The following SIDT2 variants were observed in gnomAD, a reference collection of about 807,000 sequenced individuals.
SIDT2 encodes the protein SID1 transmembrane family, member 2.
SIDT2 carries 68 observed loss-of-function variants against 114.4 expected under a neutral mutation model. The observed-to-expected ratio is 0.59, with a 90% confidence interval of 0.49 to 0.73. The LOEUF (loss-of-function observed/expected upper bound fraction) is 0.73. Ranked by LOEUF, SIDT2 falls within the 30% of genes least tolerant of loss-of-function variation. SIDT2 has a pLI of 0.00. For synonymous variants in SIDT2, 470 were observed against 438.4 expected (o/e 1.07, Z -0.90); for missense variants, 918 against 1,097.1 (o/e 0.84, Z 2.31).
In SIDT2 at chr11:117,183,865, C is replaced by T. The variant is rs2030394489; in HGVS notation, c.789C>T (p.Tyr263=). ...CCTGCGGGGGCTCCCTGCCTTTCTA[C>T]CCCTTCGCAGAAGGTACATTTTGTG... is the stretch of plus-strand genomic sequence containing the variant. ...DQACGGSLPF[Y]PFAEDEPVDQ... is the part of the protein sequence containing the mutation. Residue 263 remains tyrosine (Y), a synonymous_variant, in exon 7 of 26, where the codon TAC becomes TAT. Transcript: ENST00000324225. The T allele has an allele frequency of 6.2e-7, 1 of 1,613,088 alleles. No homozygotes were observed.
intron 8 of SIDT2, chr11:117,185,914 G>A (rs1324333964): frequency 4.7e-6 from 2 of 422,954 alleles, no homozygotes; most frequent in Admixed American, 3.9e-5. Flanking sequence ...GAAAGTTCTA[G>A]CCCAGGGAGC....
Position 117,192,993 on chromosome 11 carries a change from C to G in SIDT2, c.2105+127C>G, listed in dbSNP as rs2301174. The G allele has an allele frequency of 0.072, 98,836 of 1,371,274 alleles. 4,651 individuals are homozygous for G. The highest frequency in any genetic ancestry group is 0.22 in the African/African-American group (15,373 of 70,132). 84.9% of individuals were successfully genotyped at this position (1,371,274 alleles called of 1,614,324 possible). On this transcript the variant is annotated intron_variant, in intron 22 of 25. Transcript: ENST00000324225. The surrounding 1 kb of genome is among the most constrained non-coding windows in gnomAD (Gnocchi z 5.9). ...ATAAGACATGGGGGCTAAGAGAGAT[C>G]TTGGCCTCTCTTCTCTCTCTTGGCA...
rs757204886 is a variant in SIDT2 at position 117,190,253 on chromosome 11, C to T, written c.1581C>T (p.His527=). ...TCATCCTGCAACGGGAGATCAACCA[C>T]AACCGGGCCCTGCTGCGCAATGACC... ...LLIILQREIN[H]NRALLRNDLC... Residue 527 remains histidine, a synonymous_variant, in exon 17 of 26, where the codon CAC becomes CAT. Transcript: ENST00000324225. The surrounding 1 kb of genome is among the most constrained non-coding windows in gnomAD (Gnocchi z 4.1). 1 of 1,566,190 alleles carries T rather than the reference C, an allele frequency of 6.4e-7. No homozygotes were observed. The highest frequency in any genetic ancestry group is 1.9e-5 in the Admixed American group (1 of 53,002).
At position 117,190,818 on chromosome 11, in the gene SIDT2, C is replaced by A; in HGVS notation, c.1735+78C>A. 1 of 1,183,420 alleles carries A rather than the reference C, an allele frequency of 8.5e-7. No individual in the cohort carries two copies. Among genetic ancestry groups the A allele is most frequent in the Non-Finnish European group, 1.3e-6 (1 of 793,700 alleles). The allele number at this position is 1,183,420 out of a possible 1,614,324, so 73.3% of individuals were successfully genotyped here. On this transcript the variant is annotated intron_variant, in intron 18 of 25. Transcript: ENST00000324225. The surrounding 1 kb of genome is among the most constrained non-coding windows in gnomAD (Gnocchi z 4.1). Reference sequence around the variant, plus strand: ...AGTCCTTCACTATCCCCAAGTCACCCACAGGGATCGCTAAGACACCCCTGT... The same window carrying A: ...AGTCCTTCACTATCCCCAAGTCACCAACAGGGATCGCTAAGACACCCCTGT...
rs2030766290 is a variant in SIDT2 at position 117,193,195 on chromosome 11, C to T, written c.2148C>T (p.Ser716=). The part of the protein sequence containing the change: ...GLIMRPNDFA[S]YLLAIGICNL... The stretch of plus-strand genomic sequence containing the variant: ...TCATGCGCCCCAATGATTTCGCTTC[C>T]TACTTGTTGGCCATTGGCATCTGCA... Residue 716 remains serine, a synonymous_variant, in exon 23 of 26, where the codon TCC becomes TCT. Transcript: ENST00000324225. 1.2e-6 allele frequency: 2 copies of T among 1,614,154 alleles called. No homozygotes were observed. Among genetic ancestry groups the T allele is most frequent in the East Asian group, 4.5e-5 (2 of 44,860 alleles).
chr11:117,190,863 G>T lies in SIDT2; in HGVS notation c.1735+123G>T. The T allele has an allele frequency of 1.4e-6, 1 of 715,048 alleles. No homozygotes were observed. 44.3% of individuals were successfully genotyped at this position (715,048 alleles called of 1,614,324 possible). On this transcript the variant is annotated intron_variant, in intron 18 of 25. Transcript: ENST00000324225. The surrounding 1 kb of genome is among the most constrained non-coding windows in gnomAD (Gnocchi z 4.1). Reference sequence around the variant, plus strand: ...CCCTGTAGGAAACTCCAAGGCTGGCGTGCCTGGGTGTGCACACATCCTAGC... The same window carrying T: ...CCCTGTAGGAAACTCCAAGGCTGGCTTGCCTGGGTGTGCACACATCCTAGC...
rs956801595 is a variant in SIDT2 at position 117,187,648 on chromosome 11, G to A, written c.1108G>A (p.Asp370Asn). The A allele has an allele frequency of 8.1e-6, 13 of 1,613,974 alleles. No homozygotes were observed. Among genetic ancestry groups the A allele is most frequent in the African/African-American group, 6.7e-5 (5 of 74,894 alleles). ...GSFENVSGST[D>N]GLVDSAGTGD... ...CACAGAGAATGTTTCTGGATCTACC[G>A]ATGGTCTGGTTGACAGCGCTGGCAC... The change falls in exon 12 of 26, where the codon GAT becomes AAT. Residue 370 changes from aspartate (D) to asparagine (N), a missense_variant. By Grantham distance (23) the Asp-to-Asn change is conservative. This residue lies in a region of SIDT2 where 553 missense variants were observed against 600.1 expected (regional missense o/e 0.92). Coordinates refer to ENST00000324225, the MANE Select transcript of SIDT2 (RefSeq NM_001040455.2).
At position 117,179,219 on chromosome 11, in the gene SIDT2, C is replaced by G. The variant is rs751650192; in HGVS notation, c.-45C>G. 6.3e-7 allele frequency: 1 copy of G among 1,584,046 alleles called. No individual in the cohort carries two copies. Among genetic ancestry groups the G allele is most frequent in the Non-Finnish European group, 8.6e-7 (1 of 1,166,540 alleles). On this transcript the variant is annotated 5_prime_UTR_variant, in exon 1 of 26. Transcript: ENST00000324225. The stretch of plus-strand genomic sequence containing the variant: ...CCGGAGGTGTCCTGTCTCCTGTCGC[C>G]GCCGCCGCCGCCACCACCGCTGCCA...
At chr11:117,187,747 T>C (rs1409993408) in intron 12 of SIDT2, 48 bp downstream of exon 12, 2 of 1,588,516 alleles carry the variant, frequency 1.3e-6, no homozygotes, top group East Asian at 2.2e-5. Flanking sequence ...GACGGTGTTG[T>C]CTGGGTAAAA....
At chr11:117,185,064 T>TC (rs1565285645) in intron 8 of SIDT2, among the ~76,000 whole-genome samples, 12 of 147,586 alleles carry the variant, frequency 8.1e-5, no homozygotes, top group Non-Finnish European at 1.8e-4. Flanking sequence ...TTTTTTTTTT[T>TC]TCCGAGATGG....
rs1353384127 is a variant in SIDT2, at chr11:117,196,098, G to A, written c.*32G>A. ...CTGGGCCCTTCGCTTCACCTCAAGG[G>A]GCCCTGAGCTCCTTTGTGTCATAGA... On this transcript the variant is annotated 3_prime_UTR_variant, in exon 26 of 26. Coordinates refer to ENST00000324225, the MANE Select transcript of SIDT2 (RefSeq NM_001040455.2). This position sits in a 1 kb window ranked among gnomAD's most constrained non-coding sequence, Gnocchi z 4.9. The A allele has an allele frequency of 1.9e-6, 3 of 1,613,392 alleles. No individual in the cohort carries two copies. The African/African-American group carries it at 4.0e-5, about 22-fold the overall frequency.
In SIDT2 at chr11:117,179,097, G is replaced by A. The variant is rs957281228; in HGVS notation, c.-167G>A. 2 of 703,688 alleles carry A rather than the reference G, an allele frequency of 2.8e-6. No individual in the cohort carries two copies. Among genetic ancestry groups the A allele is most frequent in the African/African-American group, 1.8e-5 (1 of 55,600 alleles). The allele number at this position is 703,688 out of a possible 1,614,324, so 43.6% of individuals were successfully genotyped here. The stretch of plus-strand genomic sequence containing the variant: ...CTGCGGGGACCCTGGGAGCCTCTTC[G>A]GGGCTCTTGGGAGGGGACATTTCCT... On this transcript the variant is annotated 5_prime_UTR_variant, in exon 1 of 26. Coordinates refer to ENST00000324225, the MANE Select transcript of SIDT2 (RefSeq NM_001040455.2).
At chr11:117,183,751 G>A in intron 6 of SIDT2, 28 bp from the exon 7 acceptor site, 1 of 1,413,116 alleles carries the variant, frequency 7.1e-7, no homozygotes, top group Non-Finnish European at 1.0e-6. Context: ...TGATGATGAA[G>A]AAGATATTTA....
intron 8 of SIDT2, among the ~76,000 whole-genome samples, chr11:117,185,770 CAGG>C (rs1208874767): frequency 6.7e-6 from 1 of 149,590 alleles, no homozygotes; most frequent in Non-Finnish European, 1.5e-5. Context: ...CCCAGCTACT[CAGG>C]AGGCTGAGGT....
At chr11:117,191,166 G>T (rs1199206834) in intron 18 of SIDT2, 9 of 155,742 alleles carry the variant, frequency 5.8e-5, no homozygotes, top group African/African-American at 1.7e-4. Flanking sequence ...AGTCCCAGCT[G>T]CTCGGGAGGC....
chr11:117,183,364 C>T (rs1285872043), intron 6 of SIDT2, among the ~76,000 whole-genome samples: 3 of 149,082 alleles, frequency 2.0e-5, no homozygotes, highest in South Asian at 2.1e-4. Context: ...AAAGGTCAGG[C>T]GCAGTGGCTC....
rs1328446244 is a variant in SIDT2 at position 117,182,638 on chromosome 11, T to A, written c.618+18T>A. 6.2e-7 allele frequency: 1 copy of A among 1,614,174 alleles called. No individual in the cohort carries two copies. The highest frequency in any genetic ancestry group is 8.5e-7 in the Non-Finnish European group (1 of 1,179,964). ...ATGTGCTGGTGAGTTGCCTGCCCTT[T>A]TGCTCTTCCCCAGCAGGCAGCAGGG... On this transcript the variant is annotated intron_variant, in intron 5 of 25. Transcript: ENST00000324225.
At position 117,181,751 on chromosome 11, in the gene SIDT2, A is replaced by C. The variant is rs2030294224; in HGVS notation, c.306-56A>C. 3.1e-6 allele frequency: 5 copies of C among 1,610,564 alleles called. No individual in the cohort carries two copies. In the East Asian group the frequency reaches 1.1e-4, roughly 36 times the overall value. ...GCGAGGTGGGGCCTCGCTCCTCTGGAGGGGCAGGCCGGCTGGGACAGTGCT... is the reference window on the plus strand; with the variant it reads ...GCGAGGTGGGGCCTCGCTCCTCTGGCGGGGCAGGCCGGCTGGGACAGTGCT... On this transcript the variant is annotated intron_variant, in intron 2 of 25. Transcript: ENST00000324225.
At position 117,196,173 on chromosome 11, in the gene SIDT2, C is replaced by A; in HGVS notation, c.*107C>A. ...GATGAGTCCCAGCACCGCTGCCCAG[C>A]ACTGGATGGCAGCAGGACAGCCAGG... On this transcript the variant is annotated 3_prime_UTR_variant, in exon 26 of 26. Coordinates refer to ENST00000324225, the MANE Select transcript of SIDT2 (RefSeq NM_001040455.2). This position sits in a 1 kb window ranked among gnomAD's most constrained non-coding sequence, Gnocchi z 4.9. 6.9e-7 allele frequency: 1 copy of A among 1,452,882 alleles called. No individual in the cohort carries two copies. The highest frequency in any genetic ancestry group is 9.5e-7 in the Non-Finnish European group (1 of 1,057,020). The allele number at this position is 1,452,882 out of a possible 1,614,324, so 90.0% of individuals were successfully genotyped here. A position where few individuals can be genotyped will look rare whatever the true frequency, so the allele number is the denominator to read the frequency against.
Sources: gnomAD v4.1 joint callset for allele counts (sites outside exome capture counted in the v4.1 genomes callset) on GRCh38, gnomAD v4.1.1 for gene constraint, gnomAD v4.1.1 regional missense constraint, Gnocchi (gnomAD v3.1) non-coding constraint, MANE v1.5 for transcripts, NCBI Gene and HGNC (gene_info 2026-07-23, HGNC 2026-07-21) for gene names.